The following WNK3 variants were observed in gnomAD, a reference collection of about 807,000 sequenced individuals.
WNK3 encodes WNK lysine deficient protein kinase 3, also known as serine/threonine-protein kinase WNK3.
A neutral mutation model predicts 116.7 loss-of-function variants in WNK3; 18 were observed. The ratio of observed to expected loss-of-function variants is 0.15; its 90% CI spans 0.11 to 0.23. The LOEUF is 0.23. WNK3 is among the 10% of genes least tolerant of loss of function. WNK3 has a pLI of 1.00. For synonymous variants in WNK3, 404 were observed against 469.4 expected, an observed-to-expected ratio of 0.86 and a Z score of 1.80; for missense variants, 993 against 1,323.8, an observed-to-expected ratio of 0.75 and a Z score of 3.88.
intron 1 of WNK3, among the ~76,000 whole-genome samples, chrX:54,356,233 A>G (rs2069591348): frequency 8.9e-6 from 1 of 112,081 alleles, no homozygotes; most frequent in African/African-American, 3.2e-5. Flanking sequence ...TTAAACTCAC[A>G]CCAAAAAGCG....
Position 54,252,398 on chromosome X carries a change from G to A in WNK3, c.2368-711C>T, listed in dbSNP as rs189940343. ...CTCCAAAGAAAATAAAGAATAGCTC[G>A]GAAGGCTGGGCACGGTAGCCCAGCA... On this transcript the variant is annotated intron_variant, in intron 13 of 23. Coordinates refer to ENST00000354646, the Ensembl canonical transcript of WNK3. 3.7e-3 allele frequency among the ~76,000 whole-genome samples: 410 copies of A among 111,206 alleles called. 2 individuals carry two copies. Among genetic ancestry groups the A allele is most frequent in the Non-Finnish European group, 6.4e-3 (339 of 52,902 alleles).
chrX:54,293,904 C>T (rs142302794), intron 8 of WNK3, among the ~76,000 whole-genome samples: 1,867 of 112,024 alleles, frequency 0.017, 42 homozygotes, highest in African/African-American at 0.057. Context: ...TGGCTGGGCG[C>T]GGTGGCTCAT....
chrX:54,290,422 C>A (rs781803864), intron 10 of WNK3, among the ~76,000 whole-genome samples: 57 of 111,597 alleles, frequency 5.1e-4, no homozygotes, highest in Admixed American at 1.9e-4. Context: ...ATATACTATG[C>A]CCATTTTAAT....
rs192605913 is a variant in WNK3 at position 54,202,551 on chromosome X, C to G, written c.4871-358G>C. Among the ~76,000 whole-genome samples the G allele has an allele frequency of 8.4e-4, 92 of 109,980 alleles. No homozygotes were observed. In the East Asian group the frequency reaches 0.024, roughly 29 times the overall value. ...ACTAAAAATACAAAAATTAGCCAGG[C>G]ATGGTGGTGGACGCCTGTAATCCCA... On this transcript the variant is annotated intron_variant, in intron 22 of 23. Coordinates refer to ENST00000354646, the Ensembl canonical transcript of WNK3.
rs1405984516 is a variant in WNK3, at chrX:54,204,640, T to C, written c.4871-2447A>G. Among the ~76,000 whole-genome samples the C allele has an allele frequency of 2.7e-5, 3 of 112,362 alleles. No homozygotes were observed. In the East Asian group the frequency reaches 8.3e-4, roughly 31 times the overall value. On this transcript the variant is annotated intron_variant, in intron 22 of 23. Coordinates refer to ENST00000354646, the Ensembl canonical transcript of WNK3. Reference sequence around the variant, plus strand: ...ATAAAAGTATCATTTCTTCTTGTTATCCCTTTGCACATTCAACTAATTCTC... The same window carrying C: ...ATAAAAGTATCATTTCTTCTTGTTACCCCTTTGCACATTCAACTAATTCTC...
chrX:54,222,918 ATAT>A (rs1458863650), intron 22 of WNK3, among the ~76,000 whole-genome samples: 12 of 82,422 alleles, frequency 1.5e-4, no homozygotes, highest in East Asian at 1.0e-3. Flanking sequence ...TAATAATAAT[ATAT>A]ATATATATAT....
chrX:54,229,568 AAAAC>A (rs2067879354), intron 21 of WNK3, among the ~76,000 whole-genome samples: 1 of 110,766 alleles, frequency 9.0e-6, no homozygotes, highest in African/African-American at 3.3e-5. Context: ...GTTTTGAAAA[AAAAC>A]AAAGTTTCAG....
At position 54,259,349 on chromosome X, in the gene WNK3, T is replaced by C. The variant is rs1557156248; in HGVS notation, c.2038-11A>G. ...TGGTTGGGATACAGGCTGTAAACAGTACAGACATAAAACTTGCTATGATAA... is the reference window on the plus strand; with the variant it reads ...TGGTTGGGATACAGGCTGTAAACAGCACAGACATAAAACTTGCTATGATAA... On this transcript the variant is annotated splice_polypyrimidine_tract_variant and intron_variant, in intron 10 of 23. Coordinates refer to ENST00000354646, the Ensembl canonical transcript of WNK3. 3 of 1,130,948 alleles carry C rather than the reference T, an allele frequency of 2.7e-6. No homozygotes were observed. The highest frequency in any genetic ancestry group is 1.8e-5 in the African/African-American group (1 of 55,400). 93.2% of individuals were successfully genotyped at this position (1,130,948 alleles called of 1,213,427 possible). A position where few individuals can be genotyped will look rare whatever the true frequency, so the allele number is the denominator to read the frequency against.
At chrX:54,235,348 C>T (rs565428437) in intron 20 of WNK3, among the ~76,000 whole-genome samples, 90 of 111,941 alleles carry the variant, frequency 8.0e-4, no homozygotes, top group African/African-American at 2.6e-3. Flanking sequence ...TGCAGTGGTG[C>T]GATCTCGACT....
intron 5 of WNK3, 58 bp from the exon 6 acceptor site, chrX:54,301,917 T>A: frequency 1.2e-6 from 1 of 837,436 alleles, no homozygotes. Flanking sequence ...CAAGTCAACA[T>A]GACATTTATT....
rs782648088 is a variant in WNK3, at chrX:54,347,922, C to A, written c.-120+9764G>T. ...AGATTCTTGTGTATTCCTCCAGAAT[C>A]TCTTTAGGCAAATTAACAAATATAT... On this transcript the variant is annotated intron_variant, in intron 1 of 23. Coordinates refer to ENST00000354646, the Ensembl canonical transcript of WNK3. 2.3e-4 allele frequency among the ~76,000 whole-genome samples: 25 copies of A among 109,516 alleles called. No individual in the cohort carries two copies. The South Asian group carries it at 9.8e-3, about 43-fold the overall frequency.
chrX:54,195,132 C>A (rs1557139795), exon 24 of WNK3: 1 of 111,917 alleles, frequency 8.9e-6, no homozygotes, highest in Non-Finnish European at 1.9e-5. Context: ...ATGTTACACC[C>A]AACTTCACAG....
At chrX:54,276,810 G>A (rs2068454656) in intron 10 of WNK3, among the ~76,000 whole-genome samples, 1 of 109,291 alleles carries the variant, frequency 9.1e-6, no homozygotes, top group South Asian at 4.1e-4. Flanking sequence ...CACCTCCCAG[G>A]TTCAAGCAAT....
rs1025812683 is a variant in WNK3, at chrX:54,238,563, A to C, written c.3884-91T>G. The stretch of plus-strand genomic sequence containing the variant: ...ATTACCAAAAATGAAGAAAAGTAGA[A>C]AAAGCTTAACTCCTGCTAGACAATT... On this transcript the variant is annotated intron_variant, in intron 18 of 23. Coordinates refer to ENST00000354646, the Ensembl canonical transcript of WNK3. The C allele has an allele frequency of 1.6e-5, 15 of 925,037 alleles. No homozygotes were observed. In the African/African-American group the frequency reaches 2.6e-4, roughly 16 times the overall value. 76.2% of individuals were successfully genotyped at this position (925,037 alleles called of 1,213,427 possible).
At chrX:54,239,371 GAGA>G (rs782773306) in intron 17 of WNK3, among the ~76,000 whole-genome samples, 3 of 110,784 alleles carry the variant, frequency 2.7e-5, no homozygotes, top group Non-Finnish European at 3.8e-5. Context: ...GTAAATAAAA[GAGA>G]AGATTATTAA....
At chrX:54,326,888 A>G (rs577862068) in intron 2 of WNK3, among the ~76,000 whole-genome samples, 1 of 110,318 alleles carries the variant, frequency 9.1e-6, no homozygotes, top group African/African-American at 3.3e-5. Context: ...CGGGAGGCTG[A>G]GACAGAAGAA....
At chrX:54,224,630 CAA>C (rs2067811147) in intron 22 of WNK3, among the ~76,000 whole-genome samples, 3 of 107,952 alleles carry the variant, frequency 2.8e-5, no homozygotes, top group Admixed American at 2.0e-4. Flanking sequence ...AGTGCAGTGG[CAA>C]GATCTCGGCT....
chrX:54,303,983 A>G (rs1464165997), intron 5 of WNK3, among the ~76,000 whole-genome samples: 2 of 111,568 alleles, frequency 1.8e-5, no homozygotes, highest in Non-Finnish European at 3.8e-5. Flanking sequence ...AACTAAAAAC[A>G]CATTCTAGCC....
At chrX:54,313,199 T>C (rs1483763441) in intron 2 of WNK3, among the ~76,000 whole-genome samples, 12 of 111,666 alleles carry the variant, frequency 1.1e-4, no homozygotes, top group African/African-American at 3.2e-4. Context: ...TCTAATCTTA[T>C]TGAGTAATGC....
Sources: gnomAD v4.1 joint callset for allele counts (sites outside exome capture counted in the v4.1 genomes callset) on GRCh38, gnomAD v4.1.1 for gene constraint, MANE v1.5 for transcripts, NCBI Gene and HGNC (gene_info 2026-07-23, HGNC 2026-07-21) for gene names.